Variants in SIK3 observed in about 807,000 individuals in gnomAD.
The protein encoded by SIK3 is serine/threonine-protein kinase SIK3.
In SIK3, 28 loss-of-function variants were observed where a neutral mutation model predicts 144.2. The ratio of observed to expected loss-of-function variants is 0.19; its 90% CI spans 0.14 to 0.27. SIK3 has a LOEUF of 0.27. Ranked by LOEUF, SIK3 falls within the 10% of genes least tolerant of loss-of-function variation. The pLI is 1.00. For missense variants in SIK3, 1,319 were observed against 1,776.0 expected (o/e 0.74, Z 4.62); for synonymous variants, 686 against 676.3 (o/e 1.01, Z -0.22).
intron 1 of SIK3, among the ~76,000 whole-genome samples, chr11:117,011,897 G>C (rs1951276103): frequency 6.6e-6 from 1 of 152,126 alleles, no homozygotes; most frequent in African/African-American, 2.4e-5. Flanking sequence ...GAGAGAAAGA[G>C]ACTCCAACTC....
At chr11:117,041,586 A>G (rs566813054) in intron 1 of SIK3, among the ~76,000 whole-genome samples, 1 of 152,342 alleles carries the variant, frequency 6.6e-6, no homozygotes, top group South Asian at 2.1e-4. Flanking sequence ...TGGGAAAAGT[A>G]TGATGCCATA....
At chr11:116,891,389 G>A (rs1945099528) in intron 6 of SIK3, among the ~76,000 whole-genome samples, 1 of 152,248 alleles carries the variant, frequency 6.6e-6, no homozygotes, top group Admixed American at 6.5e-5. Context: ...ACTGAGGCAG[G>A]AGGGTCACTT....
intron 1 of SIK3, among the ~76,000 whole-genome samples, chr11:117,068,782 C>A (rs982992035): frequency 1.3e-5 from 2 of 152,168 alleles, no homozygotes; most frequent in African/African-American, 4.8e-5. Flanking sequence ...TATTCCTAAC[C>A]CAAAATGTTC....
intron 1 of SIK3, among the ~76,000 whole-genome samples, chr11:117,027,025 G>A (rs938503838): frequency 2.0e-5 from 3 of 152,170 alleles, no homozygotes; most frequent in African/African-American, 4.8e-5. Context: ...TACTACCAAC[G>A]TAATTTTGTT....
chr11:116,935,055 A>G (rs1414323168), intron 3 of SIK3, among the ~76,000 whole-genome samples: 2 of 152,138 alleles, frequency 1.3e-5, no homozygotes. Flanking sequence ...ACTGCACTCC[A>G]GCCTGGGCGA....
chr11:117,052,684 A>G (rs115781105), intron 1 of SIK3, among the ~76,000 whole-genome samples: 1,528 of 152,348 alleles, frequency 0.01, 27 homozygotes, highest in African/African-American at 0.036. Context: ...AAAATAAATC[A>G]GAAGTCCTCT....
chr11:116,991,404 G>A (rs1950497332), intron 1 of SIK3, among the ~76,000 whole-genome samples: 3 of 152,168 alleles, frequency 2.0e-5, no homozygotes, highest in African/African-American at 7.2e-5. Context: ...TCGAGATCAT[G>A]CCACTGCGCT....
intron 1 of SIK3, among the ~76,000 whole-genome samples, chr11:117,069,184 TGGGG>T (rs34598824): frequency 2.2e-4 from 18 of 83,056 alleles, no homozygotes; most frequent in East Asian, 1.0e-3. Context: ...GATTTTTTTT[TGGGG>T]GGGGGGGGGT....
At chr11:116,928,362 T>C (rs932799363) in intron 3 of SIK3, among the ~76,000 whole-genome samples, 1 of 152,222 alleles carries the variant, frequency 6.6e-6, no homozygotes, top group Admixed American at 6.5e-5. Context: ...AAATGTCTAA[T>C]AGTCTCATGA....
intron 19 of SIK3, 121 bp downstream of exon 19, chr11:116,861,153 C>A: frequency 1.3e-6 from 1 of 785,348 alleles, no homozygotes; most frequent in South Asian, 1.7e-5. Flanking sequence ...GCTCTAGAGT[C>A]CATACCCCTG....
At chr11:116,992,672 G>A (rs1023333790) in intron 1 of SIK3, among the ~76,000 whole-genome samples, 3 of 152,154 alleles carry the variant, frequency 2.0e-5, no homozygotes, top group Non-Finnish European at 4.4e-5. Context: ...AAAGGATCAA[G>A]GAATTGGAAT....
intron 1 of SIK3, among the ~76,000 whole-genome samples, chr11:117,090,666 T>TA (rs763909487): frequency 4.6e-5 from 7 of 152,244 alleles, no homozygotes; most frequent in Non-Finnish European, 8.8e-5. Flanking sequence ...AGACTACTTT[T>TA]ACGGTCATTG....
intron 5 of SIK3, among the ~76,000 whole-genome samples, chr11:116,896,592 G>A (rs1945412585): frequency 6.6e-6 from 1 of 152,200 alleles, no homozygotes; most frequent in Non-Finnish European, 1.5e-5. Context: ...CTGGGGATAA[G>A]GTAAGTGGCC....
chr11:116,992,326 CA>C (rs577405567), intron 1 of SIK3, among the ~76,000 whole-genome samples: 5,311 of 131,174 alleles, frequency 0.04, 347 homozygotes, highest in African/African-American at 0.15. Flanking sequence ...CCCCCCCCCC[CA>C]AAAAAAAACA....
chr11:116,968,500 T>C (rs571597451), intron 1 of SIK3, among the ~76,000 whole-genome samples: 4 of 152,286 alleles, frequency 2.6e-5, no homozygotes, highest in Admixed American at 2.0e-4. Context: ...AACATTGCCA[T>C]AGAAAAAACT....
intron 1 of SIK3, among the ~76,000 whole-genome samples, chr11:117,097,878 C>G (rs944484801): frequency 1.3e-5 from 2 of 152,006 alleles, no homozygotes; most frequent in Admixed American, 1.3e-4. Flanking sequence ...ACCCGCCTGC[C>G]CTCAGCCCCG....
intron 3 of SIK3, among the ~76,000 whole-genome samples, chr11:116,943,586 C>T (rs749567924): frequency 6.8e-4 from 103 of 152,222 alleles, no homozygotes; most frequent in Non-Finnish European, 9.7e-4. Context: ...AGACACTCAC[C>T]GAAACCTAGT....
chr11:117,048,970 G>A (rs1463750060), intron 1 of SIK3, among the ~76,000 whole-genome samples: 4 of 152,040 alleles, frequency 2.6e-5, no homozygotes, highest in South Asian at 4.2e-4. Context: ...GCGTGGTGGC[G>A]CACGCTTGTA....
chr11:116,961,047 G>A (rs767139356), intron 1 of SIK3, among the ~76,000 whole-genome samples: 15 of 152,178 alleles, frequency 9.9e-5, no homozygotes, highest in Non-Finnish European at 1.9e-4. Flanking sequence ...AACATGGAAA[G>A]AACAGAGCTG....
Sources: allele counts gnomAD v4.1 joint callset (sites outside exome capture counted in the v4.1 genomes callset), GRCh38; gene constraint gnomAD v4.1.1; transcripts MANE v1.5; gene names NCBI Gene and HGNC (gene_info 2026-07-23, HGNC 2026-07-21).